The following RACGAP1 variants were observed in gnomAD, a reference collection of about 807,000 sequenced individuals.
The protein encoded by RACGAP1 is rac GTPase-activating protein 1.
A neutral mutation model predicts 78.1 loss-of-function variants in RACGAP1; 30 were observed. That is an observed-to-expected ratio of 0.38 (90% CI 0.29 to 0.52). The LOEUF (loss-of-function observed/expected upper bound fraction) is 0.52, where lower values mean the gene tolerates loss of function less well. RACGAP1 is among the 20% of genes least tolerant of loss of function. The probability of loss-of-function intolerance (pLI) is 0.82; values close to 1 mark genes in which losing one functional copy is unlikely to be tolerated. For missense variants in RACGAP1, 587 were observed against 777.1 expected (o/e 0.76, Z 2.91); for synonymous variants, 231 against 264.8 (o/e 0.87, Z 1.24).
At chr12:50,023,245 T>G (rs1950100710) in intron 1 of RACGAP1, among the ~76,000 whole-genome samples, 1 of 152,240 alleles carries the variant, frequency 6.6e-6, no homozygotes, top group African/African-American at 2.4e-5. Flanking sequence ...GTAAAAACAT[T>G]TTATGGCTCT....
intron 1 of RACGAP1, chr12:50,019,724 A>AAATAAATAAATAAATAAATAAATAAATT: frequency 6.7e-6 from 1 of 149,712 alleles, no homozygotes; most frequent in Non-Finnish European, 1.5e-5. Context: ...ATAAATAAAT[A>AAATAAATAAATAAATAAATAAATAAATT]AAAAGGTCCT....
At chr12:50,009,906 C>T (rs766221428) in intron 2 of RACGAP1, among the ~76,000 whole-genome samples, 4 of 152,184 alleles carry the variant, frequency 2.6e-5, no homozygotes, top group South Asian at 2.1e-4. Flanking sequence ...TTGCTACACA[C>T]TAAATTTTTC....
intron 16 of RACGAP1, 133 bp downstream of exon 16, chr12:49,990,551 G>T: frequency 4.9e-6 from 4 of 810,282 alleles, no homozygotes; most frequent in Non-Finnish European, 5.9e-6. Context: ...AATCCTTATA[G>T]CCCCACGTTC....
At chr12:50,000,907 A>T (rs1948633830) in intron 7 of RACGAP1, among the ~76,000 whole-genome samples, 1 of 151,948 alleles carries the variant, frequency 6.6e-6, no homozygotes, top group Admixed American at 6.6e-5. Flanking sequence ...AATTAGCCAG[A>T]CGTGGTGGCA....
intron 4 of RACGAP1, 65 bp from the exon 5 acceptor site, chr12:50,004,369 T>C: frequency 6.5e-7 from 1 of 1,548,072 alleles, no homozygotes; most frequent in Non-Finnish European, 8.8e-7. Context: ...TCACCAACAT[T>C]CAGAACAAGT....
intron 5 of RACGAP1, among the ~76,000 whole-genome samples, 168 bp from the exon 6 acceptor site, chr12:50,002,468 T>C (rs1948740476): frequency 6.6e-6 from 1 of 152,214 alleles, no homozygotes; most frequent in Admixed American, 6.5e-5. Flanking sequence ...GCTATAGAGC[T>C]ATAGTAAGTT....
intron 1 of RACGAP1, among the ~76,000 whole-genome samples, chr12:50,022,174 C>T (rs1592235370): frequency 6.6e-6 from 1 of 152,214 alleles, no homozygotes; most frequent in South Asian, 2.1e-4. Context: ...CTCACCAATT[C>T]ACTGAAGCCT....
At chr12:50,006,706 T>C (rs893306997) in intron 2 of RACGAP1, 70 bp from the exon 3 acceptor site, 8 of 1,429,762 alleles carry the variant, frequency 5.6e-6, no homozygotes, top group Non-Finnish European at 6.7e-6. Context: ...AAATGAGTCC[T>C]ACGGTTAGCT....
intron 1 of RACGAP1, chr12:50,019,727 A>AAATAAATAAAT (rs1334546076): frequency 2.3e-4 from 6 of 25,608 alleles, no homozygotes; most frequent in Non-Finnish European, 8.2e-4. Flanking sequence ...AATAAATAAA[A>AAATAAATAAAT]AGGTCCTGGG....
At chr12:50,028,482 A>G (rs941078089), upstream of RACGAP1, among the ~76,000 whole-genome samples, 4 of 152,224 alleles carry the variant, frequency 2.6e-5, no homozygotes, top group South Asian at 2.1e-4. Flanking sequence ...TAAAAATGCA[A>G]TTATGGCTGG....
chr12:50,013,905 C>T (rs1449617384), intron 2 of RACGAP1, among the ~76,000 whole-genome samples: 1 of 152,182 alleles, frequency 6.6e-6, no homozygotes, highest in African/African-American at 2.4e-5. Context: ...ATTCCCTACT[C>T]TAGTCCCCAC....
At chr12:50,022,335 C>A (rs1353400948) in intron 1 of RACGAP1, among the ~76,000 whole-genome samples, 1 of 152,234 alleles carries the variant, frequency 6.6e-6, no homozygotes, top group Non-Finnish European at 1.5e-5. Flanking sequence ...GTAATCCCAG[C>A]ACTTTGGGAG....
At chr12:50,008,432 C>T (rs1465618514) in intron 2 of RACGAP1, among the ~76,000 whole-genome samples, 4 of 152,044 alleles carry the variant, frequency 2.6e-5, no homozygotes, top group Admixed American at 6.6e-5. Context: ...CTCCTAACCT[C>T]AGGTGATTCA....
In RACGAP1 at chr12:49,989,197, T is replaced by C. The variant is rs1947684931; in HGVS notation, c.*1071A>G. 6.6e-6 allele frequency: 1 copy of C among 152,242 alleles called. No individual in the cohort carries two copies. Among genetic ancestry groups the C allele is most frequent in the Non-Finnish European group, 1.5e-5 (1 of 68,046 alleles). 9.4% of individuals were successfully genotyped at this position (152,242 alleles called of 1,614,324 possible). A position where few individuals can be genotyped will look rare whatever the true frequency, so the allele number is the denominator to read the frequency against. Reference sequence around the variant, plus strand: ...AAAAGCTATTTACTTTTTTTCCAAATATTATCCCAAATAGGTGTTTTACAG... The same window carrying C: ...AAAAGCTATTTACTTTTTTTCCAAACATTATCCCAAATAGGTGTTTTACAG... On this transcript the variant is annotated 3_prime_UTR_variant, in exon 17 of 17. Coordinates refer to ENST00000312377, the MANE Select transcript of RACGAP1 (RefSeq NM_001319999.2).
chr12:50,002,134 G>T, intron 6 of RACGAP1, 113 bp downstream of exon 6: 12 of 650,480 alleles, frequency 1.8e-5, no homozygotes, highest in Non-Finnish European at 2.1e-5. Context: ...TCTGTAGTAT[G>T]TGCTTAACAA....
At chr12:50,004,725 TTAGTTA>T (rs1948873268) in intron 4 of RACGAP1, among the ~76,000 whole-genome samples, 3 of 152,380 alleles carry the variant, frequency 2.0e-5, no homozygotes, top group Non-Finnish European at 2.9e-5. Flanking sequence ...GTACATCTTC[TTAGTTA>T]TAAAGATTCC....
intron 1 of RACGAP1, among the ~76,000 whole-genome samples, chr12:50,023,632 C>A (rs1311427851): frequency 6.6e-6 from 1 of 152,118 alleles, no homozygotes; most frequent in Non-Finnish European, 1.5e-5. Flanking sequence ...ACTCCGGAGG[C>A]TGAGGCAGAA....
At position 49,999,741 on chromosome 12, in the gene RACGAP1, A is replaced by G. The variant is rs1948536093; in HGVS notation, c.631-8T>C. The G allele has an allele frequency of 6.3e-7, 1 of 1,584,872 alleles. No individual in the cohort carries two copies. The highest frequency in any genetic ancestry group is 1.3e-5 in the African/African-American group (1 of 74,362). ...AACTATGGATTCATTCCCCTGCAAC[A>G]AAAGTAGTAATGAGGAAAGACAAAC... On this transcript the variant is annotated splice_polypyrimidine_tract_variant and splice_region_variant and intron_variant, in intron 7 of 16. Transcript: ENST00000312377.
At chr12:50,017,924 A>G (rs1021931924) in intron 1 of RACGAP1, among the ~76,000 whole-genome samples, 1 of 152,212 alleles carries the variant, frequency 6.6e-6, no homozygotes, top group Non-Finnish European at 1.5e-5. Context: ...TGGGAGGCCC[A>G]GGCGGGCGGA....
Sources: gnomAD v4.1 joint callset for allele counts (sites outside exome capture counted in the v4.1 genomes callset) on GRCh38, gnomAD v4.1.1 for gene constraint, MANE v1.5 for transcripts, NCBI Gene and HGNC (gene_info 2026-07-23, HGNC 2026-07-21) for gene names.